The following DNAJB5 variants were observed in gnomAD, a reference collection of about 807,000 sequenced individuals.
DNAJB5 encodes dnaJ homolog subfamily B member 5.
Under a neutral mutation model 32.6 loss-of-function variants are expected in DNAJB5, and 12 were observed. The ratio of observed to expected loss-of-function variants is 0.37; its 90% CI spans 0.24 to 0.60. The LOEUF is 0.60. Ranked by LOEUF, DNAJB5 falls within the 20% of genes least tolerant of loss-of-function variation. The probability of loss-of-function intolerance (pLI) is 0.71; values close to 1 mark genes in which losing one functional copy is unlikely to be tolerated. For synonymous variants in DNAJB5, 188 were observed against 212.9 expected (o/e 0.88, Z 1.02); for missense variants, 358 against 554.2 (o/e 0.65, Z 3.55).
chr9:34,997,606 C>T lies in DNAJB5; in HGVS notation c.*347C>T. The T allele has an allele frequency of 2.5e-6, 1 of 394,234 alleles. No individual in the cohort carries two copies. The highest frequency in any genetic ancestry group is 2.1e-5 in the South Asian group (1 of 47,796). The allele number at this position is 394,234 out of a possible 1,614,324, so 24.4% of individuals were successfully genotyped here. A position where few individuals can be genotyped will look rare whatever the true frequency, so the allele number is the denominator to read the frequency against. ...GCCTGTACATAGCATGTCCTCCTCCCCTCAGCTTTGCTAATACCAGTCCCC... is the reference window on the plus strand; with the variant it reads ...GCCTGTACATAGCATGTCCTCCTCCTCTCAGCTTTGCTAATACCAGTCCCC... On this transcript the variant is annotated 3_prime_UTR_variant, in exon 5 of 5. Transcript: ENST00000682809. This position sits in a 1 kb window ranked among gnomAD's most constrained non-coding sequence, Gnocchi z 4.1.
At position 34,990,916 on chromosome 9, in the gene DNAJB5, C is replaced by T. The variant is rs1247143729; in HGVS notation, c.182+104C>T. The stretch of plus-strand genomic sequence containing the variant: ...TGCTTCCTCCAACTCATCCTCATCC[C>T]CTCTGTGACATACAGGAACCCCCCT... On this transcript the variant is annotated intron_variant, in intron 2 of 4. Coordinates refer to ENST00000682809, the MANE Select transcript of DNAJB5 (RefSeq NM_001349723.3). The surrounding 1 kb of genome is among the most constrained non-coding windows in gnomAD (Gnocchi z 4.5). 7.3e-6 allele frequency: 9 copies of T among 1,229,914 alleles called. No individual in the cohort carries two copies. Among genetic ancestry groups the T allele is most frequent in the Non-Finnish European group, 8.9e-6 (8 of 900,760 alleles). 76.2% of individuals were successfully genotyped at this position (1,229,914 alleles called of 1,614,324 possible).
chr9:34,991,208 C>A, intron 2 of DNAJB5: 2 of 417,294 alleles, frequency 4.8e-6, no homozygotes, highest in Non-Finnish European at 9.6e-6. Context: ...ATTTTTCCTT[C>A]CTGCCTCTAC....
intron 2 of DNAJB5, chr9:34,991,397 G>C (rs768624288): frequency 6.6e-6 from 3 of 456,110 alleles, no homozygotes; most frequent in Non-Finnish European, 1.3e-5. Flanking sequence ...AGAGATGTAT[G>C]GGCCTAGAGC....
At position 34,990,644 on chromosome 9, in the gene DNAJB5, C is replaced by T. The variant is rs1827601325; in HGVS notation, c.14C>T (p.Thr5Ile). ...GCTTGGCTGGGCATGTTTAAGCGCA[C>T]AGTGCTCTCCTGCCCACCCCCAGCA... MFKR[T>I]VLSCPPPAAP... Residue 5 changes from threonine (T) to isoleucine (I), a missense_variant, in exon 2 of 5, where the codon ACA (threonine) becomes ATA (isoleucine). Thr to Ile is a moderately conservative substitution (Grantham distance 89, BLOSUM62 -1). Around this residue, in one of 2 missense-constraint regions of DNAJB5, gnomAD observed 110 missense variants for 111.7 expected, o/e 0.99. Transcript: ENST00000682809. The surrounding 1 kb of genome is among the most constrained non-coding windows in gnomAD (Gnocchi z 4.5). The T allele has an allele frequency of 6.4e-7, 1 of 1,551,604 alleles. No individual in the cohort carries two copies. Among genetic ancestry groups the T allele is most frequent in the South Asian group, 1.2e-5 (1 of 84,052 alleles).
chr9:34,990,923 G>T lies in DNAJB5; in HGVS notation c.182+111G>T. 1 of 1,147,696 alleles carries T rather than the reference G, an allele frequency of 8.7e-7. No homozygotes were observed. Among genetic ancestry groups the T allele is most frequent in the Non-Finnish European group, 1.2e-6 (1 of 829,282 alleles). 71.1% of individuals were successfully genotyped at this position (1,147,696 alleles called of 1,614,324 possible). A position where few individuals can be genotyped will look rare whatever the true frequency, so the allele number is the denominator to read the frequency against. On this transcript the variant is annotated intron_variant, in intron 2 of 4. Coordinates refer to ENST00000682809, the MANE Select transcript of DNAJB5 (RefSeq NM_001349723.3). This position sits in a 1 kb window ranked among gnomAD's most constrained non-coding sequence, Gnocchi z 4.5. ...TCCAACTCATCCTCATCCCCTCTGT[G>T]ACATACAGGAACCCCCCTCCGGCCT...
chr9:34,993,522 G>A lies in DNAJB5; in HGVS notation c.427+78G>A. ...CCCAGGTGCACCAGTTTGTGTAGCG[G>A]GGAACTGGAGGCTGTGGAGGGGGTG... On this transcript the variant is annotated intron_variant, in intron 3 of 4. Coordinates refer to ENST00000682809, the MANE Select transcript of DNAJB5 (RefSeq NM_001349723.3). This position sits in a 1 kb window ranked among gnomAD's most constrained non-coding sequence, Gnocchi z 4.7. 1 of 1,531,604 alleles carries A rather than the reference G, an allele frequency of 6.5e-7. No homozygotes were observed. The highest frequency in any genetic ancestry group is 8.7e-7 in the Non-Finnish European group (1 of 1,143,536). 94.9% of individuals were successfully genotyped at this position (1,531,604 alleles called of 1,614,324 possible).
rs757357240 is a variant in DNAJB5 at position 34,996,230 on chromosome 9, A to T, written c.428-35A>T. 1.9e-6 allele frequency: 3 copies of T among 1,588,480 alleles called. No individual in the cohort carries two copies. In the African/African-American group the frequency reaches 4.0e-5, roughly 21 times the overall value. On this transcript the variant is annotated intron_variant, in intron 3 of 4. Transcript: ENST00000682809. The surrounding 1 kb of genome is among the most constrained non-coding windows in gnomAD (Gnocchi z 7.2). ...AAGACACTGGGATTGGGGCCAGAAT[A>T]AGCCACACTGCCCCTAACTTCTCCT...
At chr9:34,991,677 C>CCCCG (rs1554662749) in intron 2 of DNAJB5, 1 of 261,098 alleles carries the variant, frequency 3.8e-6, no homozygotes, top group Non-Finnish European at 7.8e-6. Flanking sequence ...TGCCCCCCCC[C>CCCCG]CCAACGAGGT....
intron 2 of DNAJB5, chr9:34,991,258 C>T (rs962410145): frequency 6.6e-5 from 30 of 456,452 alleles, no homozygotes; most frequent in Admixed American, 2.6e-4. Flanking sequence ...AAGGCAGTGC[C>T]ATGCCATGGG....
chr9:34,996,201 G>A lies in DNAJB5; in HGVS notation c.428-64G>A, dbSNP rs946943652. The A allele has an allele frequency of 1.3e-6, 2 of 1,557,016 alleles. No individual in the cohort carries two copies. Among genetic ancestry groups the A allele is most frequent in the Non-Finnish European group, 1.7e-6 (2 of 1,152,058 alleles). ...CTGTGAACTGGGAGCTAGAGGGCAG[G>A]GGGAAGACACTGGGATTGGGGCCAG... On this transcript the variant is annotated intron_variant, in intron 3 of 4. Transcript: ENST00000682809. This position sits in a 1 kb window ranked among gnomAD's most constrained non-coding sequence, Gnocchi z 7.2.
Position 34,996,497 on chromosome 9 carries a change from G to A in DNAJB5, c.660G>A (p.Gly220=), listed in dbSNP as rs758931809. 1.2e-6 allele frequency: 2 copies of A among 1,614,158 alleles called. No homozygotes were observed. Among genetic ancestry groups the A allele is most frequent in the Non-Finnish European group, 1.7e-6 (2 of 1,180,032 alleles). ...FGAFGRFGFN[G]LSRGPRRAPE... ...CTTTCGGCCGTTTTGGCTTCAATGG[G>A]CTGAGTAGGGGTCCAAGGCGAGCCC... is the stretch of plus-strand genomic sequence containing the variant. The change falls in exon 4 of 5, where the codon GGG becomes GGA. Residue 220 remains glycine, a synonymous_variant. Transcript: ENST00000682809. The surrounding 1 kb of genome is among the most constrained non-coding windows in gnomAD (Gnocchi z 7.2).
intron 2 of DNAJB5, chr9:34,991,675 C>CCCG (rs1168478123): frequency 2.8e-5 from 7 of 254,454 alleles, no homozygotes; most frequent in South Asian, 5.9e-5. Context: ...GTTGCCCCCC[C>CCCG]CCCCAACGAG....
At chr9:34,992,216 A>T (rs1035810284) in intron 2 of DNAJB5, 1 of 152,332 alleles carries the variant, frequency 6.6e-6, no homozygotes, top group African/African-American at 2.4e-5. Flanking sequence ...CGTTTCTCTT[A>T]TAACAAATGC....
Position 34,993,508 on chromosome 9 carries a change from C to G in DNAJB5, c.427+64C>G. 6.4e-7 allele frequency: 1 copy of G among 1,555,410 alleles called. No individual in the cohort carries two copies. The highest frequency in any genetic ancestry group is 8.6e-7 in the Non-Finnish European group (1 of 1,156,698). ...CGCTTGGTAGGGGTCCCAGGTGCAC[C>G]AGTTTGTGTAGCGGGGAACTGGAGG... On this transcript the variant is annotated intron_variant, in intron 3 of 4. Coordinates refer to ENST00000682809, the MANE Select transcript of DNAJB5 (RefSeq NM_001349723.3). This position sits in a 1 kb window ranked among gnomAD's most constrained non-coding sequence, Gnocchi z 4.7.
rs1827582849 is a variant in DNAJB5 at position 34,990,175 on chromosome 9, G to T, written c.-132-324G>T. 1 of 767,072 alleles carries T rather than the reference G, an allele frequency of 1.3e-6. No individual in the cohort carries two copies. Among genetic ancestry groups the T allele is most frequent in the Non-Finnish European group, 1.8e-6 (1 of 548,794 alleles). The allele number at this position is 767,072 out of a possible 1,614,324, so 47.5% of individuals were successfully genotyped here. On this transcript the variant is annotated intron_variant, in intron 1 of 4. Coordinates refer to ENST00000682809, the MANE Select transcript of DNAJB5 (RefSeq NM_001349723.3). The surrounding 1 kb of genome is among the most constrained non-coding windows in gnomAD (Gnocchi z 4.5). ...CCGAGCCCCCTCCCCTCCTCTCCTCGCCGCGCCTTTTGTCCCGGCCGAGCT... is the reference window on the plus strand; with the variant it reads ...CCGAGCCCCCTCCCCTCCTCTCCTCTCCGCGCCTTTTGTCCCGGCCGAGCT...
chr9:34,991,600 C>T, intron 2 of DNAJB5: 1 of 277,588 alleles, frequency 3.6e-6, no homozygotes, highest in South Asian at 2.6e-5. Flanking sequence ...TGGGTTGAGG[C>T]AGAAATGGCA....
In DNAJB5 at chr9:34,996,197, G is replaced by A; in HGVS notation, c.428-68G>A. The A allele has an allele frequency of 3.2e-6, 5 of 1,546,436 alleles. No homozygotes were observed. The highest frequency in any genetic ancestry group is 3.5e-6 in the Non-Finnish European group (4 of 1,147,762). On this transcript the variant is annotated intron_variant, in intron 3 of 4. Coordinates refer to ENST00000682809, the MANE Select transcript of DNAJB5 (RefSeq NM_001349723.3). This position sits in a 1 kb window ranked among gnomAD's most constrained non-coding sequence, Gnocchi z 7.2. Reference sequence around the variant, plus strand: ...AAGCCTGTGAACTGGGAGCTAGAGGGCAGGGGGAAGACACTGGGATTGGGG... The same window carrying A: ...AAGCCTGTGAACTGGGAGCTAGAGGACAGGGGGAAGACACTGGGATTGGGG...
Position 34,990,104 on chromosome 9 carries a change from G to A in DNAJB5, c.-133+273G>A. The A allele has an allele frequency of 1.3e-6, 1 of 768,690 alleles. No homozygotes were observed. Among genetic ancestry groups the A allele is most frequent in the Non-Finnish European group, 2.0e-6 (1 of 500,634 alleles). The allele number at this position is 768,690 out of a possible 1,614,324, so 47.6% of individuals were successfully genotyped here. On this transcript the variant is annotated intron_variant, in intron 1 of 4. Transcript: ENST00000682809. The surrounding 1 kb of genome is among the most constrained non-coding windows in gnomAD (Gnocchi z 4.5). Reference sequence around the variant, plus strand: ...TGTGGGGCGGAGGCATCTGTGAGCAGACCAGCCAGCCAGCGCGGGTGACAT... The same window carrying A: ...TGTGGGGCGGAGGCATCTGTGAGCAAACCAGCCAGCCAGCGCGGGTGACAT...
rs1052337895 is a variant in DNAJB5, at chr9:34,990,783, G to A, written c.153G>A (p.Ala51=). The stretch of plus-strand genomic sequence containing the variant: ...AGCTGGAGCCCTTAAAACTTCGAGC[G>A]TGGACGCTGAATGGGTTTGTAAAGT... ...KIQLEPLKLR[A]WTLNGFVKFR... is the part of the protein sequence containing the mutation. Residue 51 remains alanine (A), a synonymous_variant, in exon 2 of 5, where the codon GCG becomes GCA. Transcript: ENST00000682809. The surrounding 1 kb of genome is among the most constrained non-coding windows in gnomAD (Gnocchi z 4.5). 3 of 1,551,412 alleles carry A rather than the reference G, an allele frequency of 1.9e-6. No homozygotes were observed. The highest frequency in any genetic ancestry group is 2.6e-6 in the Non-Finnish European group (3 of 1,146,930).
Sources: gnomAD v4.1 joint callset for allele counts on GRCh38, gnomAD v4.1.1 for gene constraint, gnomAD v4.1.1 regional missense constraint, Gnocchi (gnomAD v3.1) non-coding constraint, MANE v1.5 for transcripts, NCBI Gene and HGNC (gene_info 2026-07-23, HGNC 2026-07-21) for gene names.